The following NODAL variants were observed in gnomAD, a reference collection of about 807,000 sequenced individuals.
NODAL encodes the protein nodal homolog.
In NODAL, 12 loss-of-function variants were observed where a neutral mutation model predicts 34.0. The observed-to-expected ratio is 0.35, with a 90% CI of 0.23 to 0.57. The LOEUF is 0.57. NODAL is among the 20% of genes least tolerant of loss of function. The pLI is 0.83. For missense variants in NODAL, 390 were observed against 444.2 expected (o/e 0.88, Z 1.10); for synonymous variants, 162 against 186.4 (o/e 0.87, Z 1.07).
intron 1 of NODAL, among the ~76,000 whole-genome samples, chr10:70,440,540 G>C (rs1374774453): frequency 3.3e-5 from 5 of 152,120 alleles, no homozygotes; most frequent in Non-Finnish European, 7.4e-5. Flanking sequence ...CCCCAGGGAG[G>C]GCCGTCTGGC....
Position 70,435,931 on chromosome 10 carries a change from C to G in NODAL, c.246G>C (p.Leu82=), listed in dbSNP as rs1329585126. The change falls in exon 2 of 3, where the codon CTG becomes CTC. Residue 82 remains leucine (L), a synonymous_variant. Coordinates refer to ENST00000287139, the MANE Select transcript of NODAL (RefSeq NM_018055.5). ...NWTFAFDFSF[L]SQQEDLAWAE... ...CCCATGCCAGATCCTCTTGTTGGCT[C>G]AGGAAGGAGAAGTCAAAAGCAAACG... The G allele has an allele frequency of 1.2e-6, 2 of 1,614,032 alleles. No individual in the cohort carries two copies. The highest frequency in any genetic ancestry group is 1.7e-6 in the Non-Finnish European group (2 of 1,180,048).
rs2231952 is a variant in NODAL, at chr10:70,434,431, C to T, written c.891+855G>A. Reference sequence around the variant, plus strand: ...AGGCTGGAGTGCAATGGCATGATCTCGGCTCACTGCAATCTCTGCCTCCCG... The same window carrying T: ...AGGCTGGAGTGCAATGGCATGATCTTGGCTCACTGCAATCTCTGCCTCCCG... On this transcript the variant is annotated intron_variant, in intron 2 of 2. Transcript: ENST00000287139. 3.6e-3 allele frequency among the ~76,000 whole-genome samples: 552 copies of T among 152,276 alleles called. 11 individuals carry two copies. Among genetic ancestry groups the T allele is most frequent in the Admixed American group, 0.034 (516 of 15,296 alleles).
chr10:70,436,774 G>A (rs533722036), intron 1 of NODAL, among the ~76,000 whole-genome samples: 135 of 152,108 alleles, frequency 8.9e-4, no homozygotes, highest in African/African-American at 3.1e-3. Flanking sequence ...CAGGATGCTC[G>A]CCCATTCCTG....
intron 2 of NODAL, chr10:70,434,925 T>G: frequency 6.9e-6 from 2 of 287,798 alleles, no homozygotes; most frequent in Non-Finnish European, 1.3e-5. Context: ...TAATGAGGAG[T>G]CAAATGCAGG....
At chr10:70,440,875 T>C (rs1227535053) in intron 1 of NODAL, among the ~76,000 whole-genome samples, 1 of 152,064 alleles carries the variant, frequency 6.6e-6, no homozygotes, top group African/African-American at 2.4e-5. Flanking sequence ...GAATCCCCGA[T>C]GTTACCAGCT....
intron 1 of NODAL, among the ~76,000 whole-genome samples, chr10:70,440,950 A>G (rs1845423426): frequency 6.6e-6 from 1 of 152,202 alleles, no homozygotes. Context: ...GAAAGAAAAA[A>G]AAATCGCCAA....
intron 1 of NODAL, among the ~76,000 whole-genome samples, chr10:70,441,253 G>T (rs1171078290): frequency 6.6e-6 from 1 of 152,212 alleles, no homozygotes; most frequent in Non-Finnish European, 1.5e-5. Flanking sequence ...ATCCCTTCCC[G>T]ACTCGGCCGT....
At chr10:70,437,284 A>G (rs1845368749) in intron 1 of NODAL, among the ~76,000 whole-genome samples, 1 of 152,128 alleles carries the variant, frequency 6.6e-6, no homozygotes, top group South Asian at 2.1e-4. Context: ...CTCTACTAAA[A>G]ATACAAAATT....
intron 1 of NODAL, among the ~76,000 whole-genome samples, chr10:70,439,572 C>T (rs1169760536): frequency 6.6e-6 from 1 of 152,218 alleles, no homozygotes; most frequent in African/African-American, 2.4e-5. Flanking sequence ...GAAGGTTAAA[C>T]GGCAACAGAT....
At chr10:70,434,648 C>T (rs1054004524) in intron 2 of NODAL, among the ~76,000 whole-genome samples, 1 of 152,210 alleles carries the variant, frequency 6.6e-6, no homozygotes, top group African/African-American at 2.4e-5. Flanking sequence ...CAGGCATGTG[C>T]CACCGCACCT....
At chr10:70,436,035 G>T in intron 1 of NODAL, 52 bp from the exon 2 acceptor site, 1 of 1,485,262 alleles carries the variant, frequency 6.7e-7, no homozygotes. Flanking sequence ...GCCTCCCCCA[G>T]CCTCAGTCAG....
upstream of NODAL, chr10:70,441,751 C>T: frequency 7.1e-7 from 1 of 1,418,438 alleles, no homozygotes; most frequent in Non-Finnish European, 9.7e-7. Context: ...CCTTTCCTCC[C>T]TCTGGGGAAG....
At chr10:70,439,796 G>A (rs932434950) in intron 1 of NODAL, among the ~76,000 whole-genome samples, 4 of 152,216 alleles carry the variant, frequency 2.6e-5, no homozygotes, top group Non-Finnish European at 4.4e-5. Flanking sequence ...CAGTGTTTAG[G>A]CCGGTCACAG....
In NODAL at chr10:70,435,924, G is replaced by T; in HGVS notation, c.253C>A (p.Gln85Lys). 6.2e-7 allele frequency: 1 copy of T among 1,614,194 alleles called. No homozygotes were observed. The highest frequency in any genetic ancestry group is 8.5e-7 in the Non-Finnish European group (1 of 1,180,048). Reference protein sequence around the residue: ...FAFDFSFLSQQEDLAWAELRL... With the variant: ...FAFDFSFLSQKEDLAWAELRL... ...AGCTCAGCCCATGCCAGATCCTCTT[G>T]TTGGCTCAGGAAGGAGAAGTCAAAA... The change falls in exon 2 of 3, where the codon CAA (glutamine) becomes AAA (lysine). Residue 85 changes from glutamine (Q) to lysine (K), a missense_variant. Gln to Lys is a moderately conservative substitution (Grantham distance 53, BLOSUM62 1). Coordinates refer to ENST00000287139, the MANE Select transcript of NODAL (RefSeq NM_018055.5).
At chr10:70,441,861 G>A (rs1003555247), upstream of NODAL, among the ~76,000 whole-genome samples, 4 of 152,200 alleles carry the variant, frequency 2.6e-5, no homozygotes, top group Non-Finnish European at 5.9e-5. Flanking sequence ...GGCCCGCAAA[G>A]CTGGCGGAGG....
chr10:70,446,174 A>T (rs1202885901), upstream of NODAL, among the ~76,000 whole-genome samples: 6 of 152,168 alleles, frequency 3.9e-5, no homozygotes, highest in Non-Finnish European at 2.9e-5. Flanking sequence ...GCCCAGACAG[A>T]CTGACCGTCA....
intron 1 of NODAL, among the ~76,000 whole-genome samples, chr10:70,440,529 G>GC (rs1186381595): frequency 6.6e-6 from 1 of 152,124 alleles, no homozygotes; most frequent in Non-Finnish European, 1.5e-5. Context: ...TTGCGCCCCG[G>GC]CCCCAGGGAG....
Position 70,435,999 on chromosome 10 carries a change from C to T in NODAL, c.194-16G>A. The T allele has an allele frequency of 6.2e-7, 1 of 1,612,926 alleles. No homozygotes were observed. The highest frequency in any genetic ancestry group is 8.5e-7 in the Non-Finnish European group (1 of 1,178,962). On this transcript the variant is annotated splice_polypyrimidine_tract_variant and intron_variant, in intron 1 of 2. Transcript: ENST00000287139. ...ACTGCCACATCTGGGTAGGAGAAAA[C>T]CAAGAAGGAAGGAGGGTGAGTGAGG...
chr10:70,442,686 T>C (rs1845445793), upstream of NODAL, among the ~76,000 whole-genome samples: 2 of 152,192 alleles, frequency 1.3e-5, no homozygotes, highest in Admixed American at 1.3e-4. Flanking sequence ...GACAAGCACT[T>C]AGCTGCTGGC....
Sources: gnomAD v4.1 joint callset for allele counts (sites outside exome capture counted in the v4.1 genomes callset) on GRCh38, gnomAD v4.1.1 for gene constraint, MANE v1.5 for transcripts, NCBI Gene and HGNC (gene_info 2026-07-23, HGNC 2026-07-21) for gene names.